CFAP36: variants seen among roughly 807,000 people sequenced by gnomAD.
CFAP36 encodes cilia- and flagella-associated protein 36.
In CFAP36, 37 loss-of-function variants were observed where a neutral mutation model predicts 50.5. The observed-to-expected ratio is 0.73, with a 90% CI of 0.56 to 0.96. The LOEUF is 0.96. CFAP36 is among the 50% of genes least tolerant of loss of function. The pLI is 0.00. For synonymous variants in CFAP36, 138 were observed against 128.2 expected (o/e 1.08, Z -0.52); for missense variants, 407 against 396.2 (o/e 1.03, Z -0.23).
chr2:55,535,846 A>G, intron 6 of CFAP36, 83 bp downstream of exon 6: 1 of 1,468,472 alleles, frequency 6.8e-7, no homozygotes, highest in South Asian at 1.4e-5. Flanking sequence ...ATTAAAATTT[A>G]TACTTATGTG....
chr2:55,526,540 C>G (rs1469455344), intron 3 of CFAP36, among the ~76,000 whole-genome samples: 1 of 152,170 alleles, frequency 6.6e-6, no homozygotes, highest in Non-Finnish European at 1.5e-5. Context: ...CTCCTGGGTT[C>G]AAGTGAATCT....
In CFAP36 at chr2:55,520,055, C is replaced by T. The variant is rs1684017269; in HGVS notation, c.115+139C>T. On this transcript the variant is annotated intron_variant, in intron 1 of 9. Transcript: ENST00000349456. ...CTGTCGCAAGGTCTCGTTCCCCTCA[C>T]CACCTTCTCCACCCGCGTCATCAGG... 24 of 706,736 alleles carry T rather than the reference C, an allele frequency of 3.4e-5. No individual in the cohort carries two copies. The South Asian group carries it at 4.1e-4, about 12-fold the overall frequency. 43.8% of individuals were successfully genotyped at this position (706,736 alleles called of 1,614,324 possible).
Position 55,535,823 on chromosome 2 carries a change from C to T in CFAP36, c.537+60C>T, listed in dbSNP as rs757387825. Reference sequence around the variant, plus strand: ...GCTGTTATCTCTTATTAAGTTTACACCTAGATCTTACTATTAAAATTTATA... The same window carrying T: ...GCTGTTATCTCTTATTAAGTTTACATCTAGATCTTACTATTAAAATTTATA... On this transcript the variant is annotated intron_variant, in intron 6 of 9. Transcript: ENST00000349456. 35 of 1,504,204 alleles carry T rather than the reference C, an allele frequency of 2.3e-5. No individual in the cohort carries two copies. In the East Asian group the frequency reaches 8.2e-4, roughly 35 times the overall value. 93.2% of individuals were successfully genotyped at this position (1,504,204 alleles called of 1,614,324 possible).
intron 8 of CFAP36, 39 bp from the exon 9 acceptor site, chr2:55,544,181 G>A (rs1276874273): frequency 6.2e-7 from 1 of 1,608,362 alleles, no homozygotes; most frequent in Non-Finnish European, 8.5e-7. Flanking sequence ...TTACTAAATG[G>A]ATTTGAATTT....
intron 1 of CFAP36, chr2:55,520,429 T>A: frequency 3.9e-6 from 6 of 1,548,598 alleles, no homozygotes; most frequent in Non-Finnish European, 4.4e-6. Flanking sequence ...GGGCATGTGA[T>A]AACTCCAGGA....
In CFAP36 at chr2:55,544,332, A is replaced by G. The variant is rs779350603; in HGVS notation, c.890A>G (p.Asn297Ser). The change falls in exon 9 of 10, where the codon AAT becomes AGT. Residue 297 changes from asparagine to serine, a missense_variant. Asn to Ser is a conservative substitution (Grantham distance 46). Coordinates refer to ENST00000349456, the MANE Select transcript of CFAP36 (RefSeq NM_080667.7). Reference protein sequence around the residue: ...RKDMRTKQIQNMEQKGKPTGE... With the variant: ...RKDMRTKQIQSMEQKGKPTGE... ...GATATGAGGACTAAACAGATACAAA[A>G]TATGGAGCAGAAAGGAAAACCCACT... The G allele has an allele frequency of 6.2e-7, 1 of 1,613,688 alleles. No individual in the cohort carries two copies. Among genetic ancestry groups the G allele is most frequent in the East Asian group, 2.2e-5 (1 of 44,866 alleles).
intron 7 of CFAP36, among the ~76,000 whole-genome samples, chr2:55,542,861 G>T (rs773394813): frequency 6.6e-6 from 1 of 152,150 alleles, no homozygotes; most frequent in African/African-American, 2.4e-5. Context: ...GTAGCTCCCT[G>T]TCTAGGTTGG....
chr2:55,521,587 T>C (rs1337425640), intron 1 of CFAP36, among the ~76,000 whole-genome samples: 1 of 145,996 alleles, frequency 6.8e-6, no homozygotes, highest in African/African-American at 2.6e-5. Flanking sequence ...TTACAATTAA[T>C]AGTATATATG....
Position 55,544,004 on chromosome 2 carries a change from C to G in CFAP36, c.707C>G (p.Thr236Ser). 1.2e-6 allele frequency: 2 copies of G among 1,613,816 alleles called. No individual in the cohort carries two copies. The highest frequency in any genetic ancestry group is 1.7e-6 in the Non-Finnish European group (2 of 1,179,784). The change falls in exon 8 of 10, where the codon ACT becomes AGT. Residue 236 changes from threonine (T) to serine (S), a missense_variant. Transcript: ENST00000349456. ...GGAAGAAAAGTGGAAAGGTCTGAAA[C>G]TTCCTCCCTCCCACAAAAAGACCTG... is the stretch of plus-strand genomic sequence containing the variant. ...PLGRKVERSETSSLPQKDLKI... is the reference protein window; with the variant it reads ...PLGRKVERSESSSLPQKDLKI...
At chr2:55,535,293 G>C (rs1558912420) in intron 5 of CFAP36, among the ~76,000 whole-genome samples, 1 of 152,202 alleles carries the variant, frequency 6.6e-6, no homozygotes, top group Non-Finnish European at 1.5e-5. Context: ...CTTGATGATA[G>C]CTCAGATGCC....
intron 5 of CFAP36, among the ~76,000 whole-genome samples, chr2:55,535,147 G>A (rs537161685): frequency 6.6e-6 from 1 of 152,198 alleles, no homozygotes; most frequent in African/African-American, 2.4e-5. Context: ...GCTTTTGAGG[G>A]GATATACTAC....
chr2:55,529,655 T>G (rs1260422738), intron 4 of CFAP36, among the ~76,000 whole-genome samples: 2 of 150,310 alleles, frequency 1.3e-5, no homozygotes, highest in Non-Finnish European at 3.0e-5. Context: ...TTCTTTTTTT[T>G]TTTTTTTTTG....
chr2:55,526,841 G>T (rs987606933), intron 3 of CFAP36, among the ~76,000 whole-genome samples: 1 of 152,116 alleles, frequency 6.6e-6, no homozygotes, highest in Non-Finnish European at 1.5e-5. Flanking sequence ...AGGCCACAAT[G>T]CAAGACCCCA....
intron 4 of CFAP36, among the ~76,000 whole-genome samples, chr2:55,532,590 T>C (rs1052991244): frequency 2.0e-5 from 3 of 152,252 alleles, no homozygotes; most frequent in Non-Finnish European, 4.4e-5. Context: ...TGTACTACTA[T>C]AGTTTTGTAA....
Position 55,523,748 on chromosome 2 carries a change from A to G in CFAP36, c.208A>G (p.Lys70Glu). Residue 70 changes from lysine (K) to glutamate (E), a missense_variant, in exon 3 of 10, where the codon AAA becomes GAA. Coordinates refer to ENST00000349456, the MANE Select transcript of CFAP36 (RefSeq NM_080667.7). ...TGAAAAGCTGTTAGAAGGTTACCTCAAAGAAATTGGAATTAATGAAGATCA... is the reference window on the plus strand; with the variant it reads ...TGAAAAGCTGTTAGAAGGTTACCTCGAAGAAATTGGAATTAATGAAGATCA... ...LVEKLLEGYL[K>E]EIGINEDQFQ... The G allele has an allele frequency of 6.2e-7, 1 of 1,608,032 alleles. No individual in the cohort carries two copies. Among genetic ancestry groups the G allele is most frequent in the African/African-American group, 1.3e-5 (1 of 74,960 alleles).
rs374786938 is a variant in CFAP36, at chr2:55,544,359, G to C, written c.917G>C (p.Gly306Ala). 5 of 1,610,826 alleles carry C rather than the reference G, an allele frequency of 3.1e-6. No homozygotes were observed. The African/African-American group carries it at 5.4e-5, about 17-fold the overall frequency. The change falls in exon 9 of 10, where the codon GGG becomes GCG. Residue 306 changes from glycine to alanine, a missense_variant. Coordinates refer to ENST00000349456, the MANE Select transcript of CFAP36 (RefSeq NM_080667.7). ...ATGGAGCAGAAAGGAAAACCCACTG[G>C]GGAGGTAGAGGTATGGCTAGCCTTA... The part of the protein sequence containing the change: ...QNMEQKGKPT[G>A]EVEEMTEKPE...
intron 7 of CFAP36, among the ~76,000 whole-genome samples, chr2:55,543,464 A>C (rs1235810156): frequency 6.6e-6 from 1 of 152,194 alleles, no homozygotes; most frequent in African/African-American, 2.4e-5. Flanking sequence ...AATTATTGAC[A>C]TTACTGGCAT....
chr2:55,533,060 G>C (rs1275698315), intron 4 of CFAP36, among the ~76,000 whole-genome samples: 1 of 152,184 alleles, frequency 6.6e-6, no homozygotes, highest in Non-Finnish European at 1.5e-5. Context: ...TAACACCATG[G>C]TTTTATTACA....
At chr2:55,531,673 G>A (rs1471105093) in intron 4 of CFAP36, among the ~76,000 whole-genome samples, 2 of 152,160 alleles carry the variant, frequency 1.3e-5, no homozygotes, top group Non-Finnish European at 2.9e-5. Flanking sequence ...ATTTCCTCCT[G>A]TACATCTCTT....
Sources: gnomAD v4.1 joint callset for allele counts (sites outside exome capture counted in the v4.1 genomes callset) on GRCh38, gnomAD v4.1.1 for gene constraint, MANE v1.5 for transcripts, NCBI Gene and HGNC (gene_info 2026-07-23, HGNC 2026-07-21) for gene names.